ING3: variants seen among roughly 807,000 people sequenced by gnomAD.
The protein encoded by ING3 is inhibitor of growth family member 3.
In ING3, 6 loss-of-function variants were observed where a neutral mutation model predicts 64.8. The ratio of observed to expected loss-of-function variants is 0.09; its 90% CI spans 0.05 to 0.18. The LOEUF (loss-of-function observed/expected upper bound fraction) is 0.18, where lower values mean the gene tolerates loss of function less well. Ranked by LOEUF, ING3 falls within the 10% of genes least tolerant of loss-of-function variation. The pLI, the probability that ING3 is intolerant of heterozygous loss-of-function variation, is 1.00. For missense variants in ING3, 310 were observed against 489.7 expected (o/e 0.63, Z 3.46); for synonymous variants, 170 against 173.7 (o/e 0.98, Z 0.17).
At chr7:120,964,699 T>C (rs1217421091) in intron 4 of ING3, 43 bp from the exon 5 acceptor site, 2 of 1,500,430 alleles carry the variant, frequency 1.3e-6, no homozygotes, top group East Asian at 2.3e-5. Context: ...ACTTTAACAG[T>C]GTCCCAAATT....
At chr7:120,963,560 A>G (rs140375528) in intron 4 of ING3, among the ~76,000 whole-genome samples, 55 of 152,320 alleles carry the variant, frequency 3.6e-4, no homozygotes, top group African/African-American at 1.2e-3. Context: ...TGCATTAGCT[A>G]TATGACCTTG....
chr7:120,969,543 A>G (rs1486197750), intron 9 of ING3, among the ~76,000 whole-genome samples: 5 of 152,030 alleles, frequency 3.3e-5, no homozygotes, highest in African/African-American at 1.2e-4. Context: ...AGGTAAATTA[A>G]TGCAATGCAA....
At chr7:120,959,592 C>T (rs931986370) in intron 4 of ING3, among the ~76,000 whole-genome samples, 4 of 148,326 alleles carry the variant, frequency 2.7e-5, no homozygotes, top group Non-Finnish European at 5.9e-5. Flanking sequence ...CAGATTAGGG[C>T]ACTGAAAGTC....
At chr7:120,967,069 C>A (rs1004096988) in intron 6 of ING3, among the ~76,000 whole-genome samples, 4 of 152,162 alleles carry the variant, frequency 2.6e-5, no homozygotes, top group Non-Finnish European at 5.9e-5. Context: ...CCTTGCTTCT[C>A]CAGTGCTTAA....
At chr7:120,961,816 G>A (rs553752738) in intron 4 of ING3, among the ~76,000 whole-genome samples, 4 of 152,280 alleles carry the variant, frequency 2.6e-5, no homozygotes, top group African/African-American at 9.6e-5. Flanking sequence ...AGGAAACTTT[G>A]TTTATAGCAC....
Position 120,950,797 on chromosome 7 carries a change from C to A in ING3, c.-100C>A. ...TTTTGCCGGAGTCGAGCGGGTGCTG[C>A]TAGCGGAGGCGCCATATTGGAGGGG... On this transcript the variant is annotated 5_prime_UTR_variant, in exon 1 of 12. Transcript: ENST00000315870. The A allele has an allele frequency of 3.1e-6, 2 of 647,448 alleles. No individual in the cohort carries two copies. Among genetic ancestry groups the A allele is most frequent in the Non-Finnish European group, 4.8e-6 (2 of 415,750 alleles). The allele number at this position is 647,448 out of a possible 1,614,324, so 40.1% of individuals were successfully genotyped here.
chr7:120,959,630 ATTTTTTTTTTTTTTTTT>A lies in ING3; in HGVS notation c.267+4023_267+4039del, dbSNP rs397889009. Among the ~76,000 whole-genome samples, 31 of 55,702 alleles carry A rather than the reference ATTTTTTTTTTTTTTTTT, an allele frequency of 5.6e-4. No individual in the cohort carries two copies. The East Asian group carries it at 8.3e-3, about 15-fold the overall frequency. 36.5% of individuals were successfully genotyped at this position (55,702 alleles called of 152,430 possible). On this transcript the variant is annotated intron_variant, in intron 4 of 11. Coordinates refer to ENST00000315870, the MANE Select transcript of ING3 (RefSeq NM_019071.3). ...CCTATACTCCTTGTCACTTCCTCAC[ATTTTTTTTTTTTTTTTT>A]TTTTTTTTTTTTTTTTGAGACGGAG... is the stretch of plus-strand genomic sequence containing the variant.
At position 120,976,651 on chromosome 7, in the gene ING3, A is replaced by G. The variant is rs1414584852; in HGVS notation, c.*1807A>G. 6.6e-6 allele frequency: 1 copy of G among 152,106 alleles called. No homozygotes were observed. Among genetic ancestry groups the G allele is most frequent in the Non-Finnish European group, 1.5e-5 (1 of 68,008 alleles). 9.4% of individuals were successfully genotyped at this position (152,106 alleles called of 1,614,324 possible). A position where few individuals can be genotyped will look rare whatever the true frequency, so the allele number is the denominator to read the frequency against. ...CCTCTATATATTATGACTATTCCAA[A>G]CTCATTCATTTTATAGAAATGGTCA... On this transcript the variant is annotated 3_prime_UTR_variant, in exon 12 of 12. Transcript: ENST00000315870.
At chr7:120,974,520 A>G (rs1010182197) in intron 11 of ING3, among the ~76,000 whole-genome samples, 1 of 152,214 alleles carries the variant, frequency 6.6e-6, no homozygotes, top group Middle Eastern at 3.2e-3. Context: ...TTGAAGATGC[A>G]TAATTTTTCT....
intron 4 of ING3, among the ~76,000 whole-genome samples, chr7:120,963,646 A>T (rs1458775859): frequency 6.6e-6 from 1 of 152,264 alleles, no homozygotes; most frequent in Non-Finnish European, 1.5e-5. Context: ...ACTTCAAAAG[A>T]TCAGATCGAG....
At position 120,956,610 on chromosome 7, in the gene ING3, T is replaced by C. The variant is rs1795851479; in HGVS notation, c.267+986T>C. On this transcript the variant is annotated intron_variant, in intron 4 of 11. Transcript: ENST00000315870. ...TGGGCTCTTTTGTTCATAGAGTTAT[T>C]CTGAAAAAAATTTCATAAAAGACAC... 3 of 988,214 alleles carry C rather than the reference T, an allele frequency of 3.0e-6. No homozygotes were observed. In the African/African-American group the frequency reaches 5.2e-5, roughly 17 times the overall value. 61.2% of individuals were successfully genotyped at this position (988,214 alleles called of 1,614,324 possible).
chr7:120,953,037 A>T (rs1285907414), intron 2 of ING3, among the ~76,000 whole-genome samples: 1 of 152,172 alleles, frequency 6.6e-6, no homozygotes, highest in African/African-American at 2.4e-5. Context: ...CTCAAAAATT[A>T]TAGTATAGAG....
chr7:120,957,643 A>G (rs1795869270), intron 4 of ING3, among the ~76,000 whole-genome samples: 1 of 152,186 alleles, frequency 6.6e-6, no homozygotes, highest in Non-Finnish European at 1.5e-5. Flanking sequence ...TATTGTATTG[A>G]GGGGAAAGCA....
chr7:120,956,527 C>A (rs1795849980), intron 4 of ING3: 2 of 1,033,774 alleles, frequency 1.9e-6, no homozygotes, highest in South Asian at 7.0e-5. Flanking sequence ...CATGTAGAGC[C>A]ATGGAAAATG....
At chr7:120,957,215 C>G (rs1795862035) in intron 4 of ING3, among the ~76,000 whole-genome samples, 1 of 151,964 alleles carries the variant, frequency 6.6e-6, no homozygotes, top group Non-Finnish European at 1.5e-5. Context: ...ACTAAAAATA[C>G]AAAAATATTA....
intron 3 of ING3, among the ~76,000 whole-genome samples, chr7:120,955,068 A>G (rs1164018718): frequency 6.6e-6 from 1 of 152,106 alleles, no homozygotes; most frequent in African/African-American, 2.4e-5. Flanking sequence ...ACTCTTGGCC[A>G]TTGTGCATAG....
intron 5 of ING3, among the ~76,000 whole-genome samples, 187 bp from the exon 6 acceptor site, chr7:120,966,439 G>A (rs1795997987): frequency 6.6e-6 from 1 of 152,138 alleles, no homozygotes; most frequent in South Asian, 2.1e-4. Flanking sequence ...TTAGAGAGAG[G>A]ATAACTCAGT....
chr7:120,969,312 T>TAA, intron 9 of ING3, 108 bp downstream of exon 9: 10 of 744,410 alleles, frequency 1.3e-5, no homozygotes, highest in Non-Finnish European at 2.0e-5. Flanking sequence ...GGATTAAAAT[T>TAA]AACCTTGCAG....
In ING3 at chr7:120,976,174, A is replaced by G. The variant is rs979945039; in HGVS notation, c.*1330A>G. 1 of 152,182 alleles carries G rather than the reference A, an allele frequency of 6.6e-6. No homozygotes were observed. The highest frequency in any genetic ancestry group is 1.9e-4 in the East Asian group (1 of 5,200). The allele number at this position is 152,182 out of a possible 1,614,324, so 9.4% of individuals were successfully genotyped here. A position where few individuals can be genotyped will look rare whatever the true frequency, so the allele number is the denominator to read the frequency against. On this transcript the variant is annotated 3_prime_UTR_variant, in exon 12 of 12. Coordinates refer to ENST00000315870, the MANE Select transcript of ING3 (RefSeq NM_019071.3). ...GCATAGTGGAGGTTTTATTTAAAGT[A>G]TAATATTGAGTCTGGTCGATAGAAA...
Sources: gnomAD v4.1 joint callset for allele counts (sites outside exome capture counted in the v4.1 genomes callset) on GRCh38, gnomAD v4.1.1 for gene constraint, MANE v1.5 for transcripts, NCBI Gene and HGNC (gene_info 2026-07-23, HGNC 2026-07-21) for gene names.